Variants in MYOZ2 observed in about 807,000 individuals in gnomAD.
The protein encoded by MYOZ2 is myozenin-2.
MYOZ2 carries 19 observed loss-of-function variants against 25.4 expected under a neutral mutation model. The ratio of observed to expected loss-of-function variants is 0.75; its 90% confidence interval spans 0.52 to 1.10. MYOZ2 has a LOEUF of 1.10. Ranked by LOEUF, MYOZ2 falls within the 50% of genes least tolerant of loss-of-function variation. MYOZ2 has a pLI of 0.00. For missense variants in MYOZ2, 270 were observed against 317.9 expected (o/e 0.85, Z 1.15); for synonymous variants, 92 against 106.9 (o/e 0.86, Z 0.86).
At chr4:119,140,986 A>G (rs962171246) in intron 2 of MYOZ2, among the ~76,000 whole-genome samples, 6 of 152,206 alleles carry the variant, frequency 3.9e-5, no homozygotes, top group Non-Finnish European at 7.4e-5. Flanking sequence ...CTTTTTATCA[A>G]TTGGAGTTTT....
At chr4:119,143,881 G>T (rs1259910054) in intron 2 of MYOZ2, among the ~76,000 whole-genome samples, 1 of 152,046 alleles carries the variant, frequency 6.6e-6, no homozygotes, top group Non-Finnish European at 1.5e-5. Context: ...TGGCTTGATA[G>T]CTCTTAATTA....
At position 119,185,972 on chromosome 4, in the gene MYOZ2, C is replaced by G; in HGVS notation, c.567C>G (p.Ala189=). 2 of 1,612,880 alleles carry G rather than the reference C, an allele frequency of 1.2e-6. No individual in the cohort carries two copies. Among genetic ancestry groups the G allele is most frequent in the Non-Finnish European group, 1.7e-6 (2 of 1,179,518 alleles). Residue 189 remains alanine, a synonymous_variant, in exon 6 of 6, where the codon GCC becomes GCG. Coordinates refer to ENST00000307128, the MANE Select transcript of MYOZ2 (RefSeq NM_016599.5). ...TTTTTTTAATTTCCCACAGGGTTGC[C>G]ACACCATTTGGAGGTTTTGAAAAAG... The part of the protein sequence containing the change: ...LPDYRSFNRV[A]TPFGGFEKAS...
chr4:119,145,550 T>TGTG (rs1561104817), intron 2 of MYOZ2, among the ~76,000 whole-genome samples: 18,597 of 101,988 alleles, frequency 0.18, 1,574 homozygotes, highest in East Asian at 0.32. Flanking sequence ...GTGTGTGTGT[T>TGTG]TTTGGTAGAG....
At chr4:119,167,292 GAAC>G (rs1261286650) in intron 5 of MYOZ2, among the ~76,000 whole-genome samples, 1 of 152,144 alleles carries the variant, frequency 6.6e-6, no homozygotes. Context: ...ATCAAACCAG[GAAC>G]AACATTTCCA....
intron 5 of MYOZ2, among the ~76,000 whole-genome samples, chr4:119,165,216 ATCT>A (rs1490342489): frequency 2.6e-5 from 4 of 151,750 alleles, no homozygotes; most frequent in African/African-American, 9.7e-5. Flanking sequence ...TTAAACAGTG[ATCT>A]TCTTAAGTGA....
intron 5 of MYOZ2, among the ~76,000 whole-genome samples, chr4:119,179,128 C>T (rs1742137474): frequency 1.3e-5 from 2 of 152,134 alleles, no homozygotes; most frequent in South Asian, 2.1e-4. Context: ...AAATACAATC[C>T]AAACTTGTTA....
intron 5 of MYOZ2, among the ~76,000 whole-genome samples, chr4:119,167,469 G>T (rs1741848040): frequency 6.6e-6 from 1 of 152,228 alleles, no homozygotes; most frequent in African/African-American, 2.4e-5. Flanking sequence ...ATAGCGCAAG[G>T]TGAAGCAGCA....
At chr4:119,139,827 A>G (rs1419129032) in intron 2 of MYOZ2, among the ~76,000 whole-genome samples, 1 of 152,266 alleles carries the variant, frequency 6.6e-6, no homozygotes, top group Admixed American at 6.5e-5. Context: ...GTCACCCTAC[A>G]GTCCTCTCAC....
At chr4:119,179,832 AG>A (rs1227368646) in intron 5 of MYOZ2, among the ~76,000 whole-genome samples, 1 of 152,238 alleles carries the variant, frequency 6.6e-6, no homozygotes, top group Admixed American at 6.5e-5. Flanking sequence ...GGATGCAAGA[AG>A]GGCAAAAAAA....
chr4:119,143,473 C>T (rs757577931), intron 2 of MYOZ2, among the ~76,000 whole-genome samples: 39 of 152,274 alleles, frequency 2.6e-4, no homozygotes, highest in South Asian at 1.5e-3. Flanking sequence ...GGATTATAGG[C>T]GTGAGCCACC....
At chr4:119,173,647 G>A (rs1017392813) in intron 5 of MYOZ2, among the ~76,000 whole-genome samples, 1 of 152,308 alleles carries the variant, frequency 6.6e-6, no homozygotes, top group South Asian at 2.1e-4. Context: ...GCTCGCTCTC[G>A]GCACCTCCTC....
intron 5 of MYOZ2, among the ~76,000 whole-genome samples, chr4:119,172,853 C>T (rs776091121): frequency 1.8e-4 from 28 of 152,290 alleles, no homozygotes; most frequent in Middle Eastern, 3.4e-3. Flanking sequence ...AAGATGGAGT[C>T]AGGTAAGATC....
chr4:119,140,946 CT>C (rs952135694), intron 2 of MYOZ2, among the ~76,000 whole-genome samples: 275 of 152,168 alleles, frequency 1.8e-3, no homozygotes, highest in African/African-American at 6.0e-3. Context: ...TCAAAATCAA[CT>C]TTTTTATGTA....
chr4:119,168,683 A>AAACAACAACAACAACAACAACAAC (rs150292392), intron 5 of MYOZ2, among the ~76,000 whole-genome samples: 1 of 150,828 alleles, frequency 6.6e-6, no homozygotes, highest in African/African-American at 2.5e-5. Context: ...AACAACAACA[A>AAACAACAACAACAACAACAACAAC]AACAACAACA....
intron 2 of MYOZ2, among the ~76,000 whole-genome samples, chr4:119,141,196 A>G (rs1741151760): frequency 6.6e-6 from 1 of 152,220 alleles, no homozygotes; most frequent in Non-Finnish European, 1.5e-5. Flanking sequence ...AGCTTCAGCT[A>G]GCTACCCTCT....
chr4:119,163,477 A>G (rs1472871392), intron 4 of MYOZ2, among the ~76,000 whole-genome samples: 4 of 152,208 alleles, frequency 2.6e-5, no homozygotes, highest in African/African-American at 9.7e-5. Flanking sequence ...TGCATGTGAA[A>G]AAGGTTTAAA....
intron 5 of MYOZ2, among the ~76,000 whole-genome samples, chr4:119,171,808 AACACACAAAC>A (rs1264399067): frequency 8.1e-6 from 1 of 124,180 alleles, no homozygotes; most frequent in Non-Finnish European, 1.9e-5. Flanking sequence ...ATTTTTTCCA[AACACACAAAC>A]ACACACACAC....
intron 4 of MYOZ2, among the ~76,000 whole-genome samples, chr4:119,161,071 A>G (rs1030853977): frequency 2.0e-5 from 3 of 152,070 alleles, no homozygotes; most frequent in African/African-American, 7.2e-5. Flanking sequence ...CCCAGCCTCT[A>G]GTATCCTCTG....
chr4:119,147,862 A>C (rs1427583281), intron 2 of MYOZ2, among the ~76,000 whole-genome samples: 1 of 152,162 alleles, frequency 6.6e-6, no homozygotes, highest in African/African-American at 2.4e-5. Context: ...TGGCTTCTAC[A>C]ATAAAATATA....
Sources: gnomAD v4.1 joint callset for allele counts (sites outside exome capture counted in the v4.1 genomes callset) on GRCh38, gnomAD v4.1.1 for gene constraint, MANE v1.5 for transcripts, NCBI Gene and HGNC (gene_info 2026-07-23, HGNC 2026-07-21) for gene names.